Variants in LDAF1 observed in about 807,000 individuals in gnomAD.
The protein encoded by LDAF1 is lipid droplet assembly factor 1, also known as PROMETHIN.
A neutral mutation model predicts 13.5 loss-of-function variants in LDAF1; 7 were observed. The observed-to-expected ratio is 0.52, with a 90% CI of 0.29 to 0.97. LDAF1 has a LOEUF of 0.97. Among genes scored for constraint, LDAF1 ranks in the 50% least tolerant of loss-of-function variants. The pLI is 0.07. For synonymous variants in LDAF1, 69 were observed against 77.1 expected (o/e 0.89, Z 0.55); for missense variants, 148 against 193.2 (o/e 0.77, Z 1.39).
At chr16:21,177,391 T>G (rs1471670602) in intron 4 of LDAF1, 1 of 151,906 alleles carries the variant, frequency 6.6e-6, no homozygotes, top group African/African-American at 2.4e-5. Context: ...TTTATTGAAA[T>G]CTTCAGGTCT....
rs759989647 is a variant in LDAF1 at position 21,166,930 on chromosome 16, A to G, written c.97-3507A>G. 21 of 1,533,132 alleles carry G rather than the reference A, an allele frequency of 1.4e-5. No homozygotes were observed. In the South Asian group the frequency reaches 1.9e-4, roughly 14 times the overall value. The allele number at this position is 1,533,132 out of a possible 1,614,324, so 95.0% of individuals were successfully genotyped here. On this transcript the variant is annotated intron_variant, in intron 2 of 4. Coordinates refer to ENST00000233047, the MANE Select transcript of LDAF1 (RefSeq NM_001301771.2). The stretch of plus-strand genomic sequence containing the variant: ...CTCCAAGGTGATTCCTGCTACAGTC[A>G]TCTCTGGCTAGAGAAGCGGAATAGC...
At chr16:21,163,381 C>G (rs977007624) in intron 2 of LDAF1, among the ~76,000 whole-genome samples, 1 of 152,146 alleles carries the variant, frequency 6.6e-6, no homozygotes, top group Non-Finnish European at 1.5e-5. Flanking sequence ...CGTGGTAGCT[C>G]ACACCTGTAA....
At chr16:21,167,622 A>G (rs1358879125) in intron 2 of LDAF1, among the ~76,000 whole-genome samples, 3 of 150,830 alleles carry the variant, frequency 2.0e-5, no homozygotes, top group African/African-American at 7.3e-5. Context: ...GGTTGATGAC[A>G]TAAAAGCATT....
At position 21,177,619 on chromosome 16, in the gene LDAF1, C is replaced by CTTTT. The variant is rs1025169859; in HGVS notation, c.405-1839_405-1836dup. On this transcript the variant is annotated intron_variant, in intron 4 of 4. Transcript: ENST00000233047. ...CTGAGAACCCTTGCATTAGCGAATT[C>CTTTT]TTTTTTTTTTTTTTTTTTTTGAGAC... 2.7e-4 allele frequency among the ~76,000 whole-genome samples: 31 copies of CTTTT among 115,864 alleles called. 1 individual carries two copies. The highest frequency in any genetic ancestry group is 5.0e-4 in the East Asian group (2 of 3,976). 76.0% of individuals were successfully genotyped at this position (115,864 alleles called of 152,430 possible).
chr16:21,165,360 G>A (rs753661227), intron 2 of LDAF1, among the ~76,000 whole-genome samples: 4 of 152,086 alleles, frequency 2.6e-5, no homozygotes, highest in African/African-American at 7.2e-5. Flanking sequence ...GCAGTGAGCC[G>A]AGATCATGCC....
At chr16:21,174,897 T>C (rs1446194968) in intron 4 of LDAF1, among the ~76,000 whole-genome samples, 2 of 152,172 alleles carry the variant, frequency 1.3e-5, no homozygotes, top group Non-Finnish European at 2.9e-5. Context: ...TCCCCTCTGC[T>C]CTTGAGAATG....
chr16:21,161,392 T>G, intron 2 of LDAF1, 114 bp downstream of exon 2: 1 of 1,318,864 alleles, frequency 7.6e-7, no homozygotes, highest in Admixed American at 2.5e-5. Context: ...GTCAAGAATC[T>G]TTCTGGCTTA....
At chr16:21,178,285 G>T in intron 4 of LDAF1, 1 of 985,306 alleles carries the variant, frequency 1.0e-6, no homozygotes, top group Non-Finnish European at 1.2e-6. Context: ...GTGTTTATTT[G>T]CAGAGCCACC....
intron 4 of LDAF1, among the ~76,000 whole-genome samples, chr16:21,177,923 T>C (rs1382946348): frequency 2.0e-5 from 3 of 152,030 alleles, no homozygotes; most frequent in Non-Finnish European, 2.9e-5. Context: ...CAGCCTGCAT[T>C]AGTGAATTCT....
intron 4 of LDAF1, among the ~76,000 whole-genome samples, chr16:21,174,387 G>GTTTTTTT (rs2093120955): frequency 6.6e-6 from 1 of 151,388 alleles, no homozygotes; most frequent in East Asian, 1.9e-4. Context: ...TGTAGAGACA[G>GTTTTTTT]GGTCTTGCTA....
chr16:21,174,937 C>T (rs1043056624), intron 4 of LDAF1, among the ~76,000 whole-genome samples: 1 of 152,142 alleles, frequency 6.6e-6, no homozygotes. Context: ...GTGTGAGCCT[C>T]ATGTTTGAAT....
intron 2 of LDAF1, among the ~76,000 whole-genome samples, chr16:21,162,661 A>G (rs2092988240): frequency 6.6e-6 from 1 of 152,202 alleles, no homozygotes; most frequent in African/African-American, 2.4e-5. Flanking sequence ...CTACAACAAT[A>G]AATTCTGGAC....
At chr16:21,163,026 T>A (rs74012120) in intron 2 of LDAF1, among the ~76,000 whole-genome samples, 5,901 of 152,300 alleles carry the variant, frequency 0.039, 179 homozygotes, top group East Asian at 0.18. Flanking sequence ...TGTTGATCAT[T>A]AACGTTGAAC....
rs893991229 is a variant in LDAF1 at position 21,179,846 on chromosome 16, G to A, written c.*290G>A. ...GTCCTGGGCTTCTAGAGTCTAGCCC[G>A]TTGACCCCAAAGCCTCAGGGCTTAT... On this transcript the variant is annotated 3_prime_UTR_variant, in exon 5 of 5. Coordinates refer to ENST00000233047, the MANE Select transcript of LDAF1 (RefSeq NM_001301771.2). 4.4e-5 allele frequency: 13 copies of A among 292,170 alleles called. No individual in the cohort carries two copies. Among genetic ancestry groups the A allele is most frequent in the South Asian group, 1.2e-4 (2 of 16,212 alleles). The allele number at this position is 292,170 out of a possible 1,614,324, so 18.1% of individuals were successfully genotyped here. A position where few individuals can be genotyped will look rare whatever the true frequency, so the allele number is the denominator to read the frequency against.
chr16:21,175,982 C>G (rs1597565846), intron 4 of LDAF1, among the ~76,000 whole-genome samples: 1 of 152,138 alleles, frequency 6.6e-6, no homozygotes, highest in Non-Finnish European at 1.5e-5. Context: ...TGGCTTCAAG[C>G]AATCCTCCCC....
chr16:21,159,223 G>A lies in LDAF1; in HGVS notation c.-99+477G>A, dbSNP rs1880558628. On this transcript the variant is annotated intron_variant, in intron 1 of 4. Coordinates refer to ENST00000233047, the MANE Select transcript of LDAF1 (RefSeq NM_001301771.2). ...TGCAGAGAGATCTGCAAGTATCAAA[G>A]GGGGCTTCTTTACCCCCAAATTAAT... is the stretch of plus-strand genomic sequence containing the variant. 2.8e-6 allele frequency: 3 copies of A among 1,058,458 alleles called. No homozygotes were observed. In the Admixed American group the frequency reaches 5.1e-5, roughly 18 times the overall value. 65.6% of individuals were successfully genotyped at this position (1,058,458 alleles called of 1,614,324 possible). A position where few individuals can be genotyped will look rare whatever the true frequency, so the allele number is the denominator to read the frequency against.
chr16:21,167,866 G>A (rs1236363532), intron 2 of LDAF1, among the ~76,000 whole-genome samples: 1 of 150,106 alleles, frequency 6.7e-6, no homozygotes, highest in Admixed American at 6.6e-5. Context: ...ACTTAGCTGG[G>A]CGTGGTGGGG....
At chr16:21,176,686 C>A (rs979964311) in intron 4 of LDAF1, among the ~76,000 whole-genome samples, 1 of 151,578 alleles carries the variant, frequency 6.6e-6, no homozygotes, top group Non-Finnish European at 1.5e-5. Flanking sequence ...AAATAACTAA[C>A]ATGACATAAA....
At position 21,165,695 on chromosome 16, in the gene LDAF1, T is replaced by A. The variant is rs979847893; in HGVS notation, c.96+4417T>A. The A allele has an allele frequency of 3.6e-6, 3 of 825,288 alleles. No individual in the cohort carries two copies. The African/African-American group carries it at 5.6e-5, about 15-fold the overall frequency. 51.1% of individuals were successfully genotyped at this position (825,288 alleles called of 1,614,324 possible). ...ATTTCTTAAATCATTCCTTTAATCA[T>A]GTCATAGTTCTGCTCAAATGACAGC... On this transcript the variant is annotated intron_variant, in intron 2 of 4. Transcript: ENST00000233047.
Sources: allele counts gnomAD v4.1 joint callset (sites outside exome capture counted in the v4.1 genomes callset), GRCh38; gene constraint gnomAD v4.1.1; transcripts MANE v1.5; gene names NCBI Gene and HGNC (gene_info 2026-07-23, HGNC 2026-07-21).